BCAP29: variants seen among roughly 807,000 people sequenced by gnomAD.
The protein encoded by BCAP29 is B-cell receptor-associated protein 29.
A neutral mutation model predicts 31.8 loss-of-function variants in BCAP29; 34 were observed. The ratio of observed to expected loss-of-function variants is 1.07; its 90% CI spans 0.81 to 1.42. BCAP29 has a LOEUF of 1.42. BCAP29 is among the 40% of genes most tolerant of loss of function. The pLI, the probability that BCAP29 is intolerant of heterozygous loss-of-function variation, is 0.00. For missense variants in BCAP29, 314 were observed against 269.2 expected, an observed-to-expected ratio of 1.17 and a Z score of -1.16; for synonymous variants, 104 against 91.3, an observed-to-expected ratio of 1.14 and a Z score of -0.79.
Position 107,613,415 on chromosome 7 carries a change from G to A in BCAP29, c.673G>A (p.Glu225Lys). ...LSKEYDQLLK[E>K]HSELQDRLER... ...GAAAGAATATGATCAACTCCTGAAA[G>A]AACACTCTGAACTTCAGGTGGGTGT... The change falls in exon 7 of 8, where the codon GAA becomes AAA. Residue 225 changes from glutamate (E) to lysine (K), a missense_variant. Coordinates refer to ENST00000005259, the MANE Select transcript of BCAP29 (RefSeq NM_018844.4). 6.2e-7 allele frequency: 1 copy of A among 1,607,126 alleles called. No individual in the cohort carries two copies. Among genetic ancestry groups the A allele is most frequent in the Admixed American group, 1.7e-5 (1 of 59,820 alleles).
At chr7:107,610,461 C>T (rs1204430784) in intron 6 of BCAP29, among the ~76,000 whole-genome samples, 1 of 152,102 alleles carries the variant, frequency 6.6e-6, no homozygotes, top group Non-Finnish European at 1.5e-5. Flanking sequence ...TATATAGTCC[C>T]TTGGTTACAG....
chr7:107,586,022 G>A (rs1050011763), intron 3 of BCAP29, among the ~76,000 whole-genome samples: 7 of 151,906 alleles, frequency 4.6e-5, no homozygotes, highest in Non-Finnish European at 7.4e-5. Context: ...GAACTCGCTT[G>A]ACTAAAAAAG....
intron 6 of BCAP29, among the ~76,000 whole-genome samples, chr7:107,609,847 A>G (rs1812812079): frequency 6.6e-6 from 1 of 152,228 alleles, no homozygotes; most frequent in South Asian, 2.1e-4. Flanking sequence ...AAAGAAACCA[A>G]CACTAGACAT....
intron 7 of BCAP29, chr7:107,615,596 AG>A (rs1447333717): frequency 1.7e-5 from 4 of 235,776 alleles, no homozygotes; most frequent in African/African-American, 6.6e-5. Flanking sequence ...ACTCCATCTC[AG>A]AAAAAAAAAA....
intron 6 of BCAP29, among the ~76,000 whole-genome samples, chr7:107,603,772 A>T (rs1036274550): frequency 2.6e-5 from 4 of 151,492 alleles, no homozygotes; most frequent in Non-Finnish European, 5.9e-5. Flanking sequence ...TGCCCGCCTA[A>T]TTTTTTTGAT....
chr7:107,613,826 T>C (rs1053724836), intron 7 of BCAP29: 1 of 892,664 alleles, frequency 1.1e-6, no homozygotes, highest in African/African-American at 1.7e-5. Flanking sequence ...CTCAGTGTTT[T>C]AGACATATTA....
At chr7:107,588,686 A>G (rs951512713) in intron 3 of BCAP29, among the ~76,000 whole-genome samples, 2 of 152,198 alleles carry the variant, frequency 1.3e-5, no homozygotes, top group African/African-American at 4.8e-5. Context: ...AGACAACGAT[A>G]TAGAACTCAA....
intron 2 of BCAP29, among the ~76,000 whole-genome samples, chr7:107,582,073 GT>G (rs1462178111): frequency 1.3e-5 from 2 of 152,212 alleles, no homozygotes; most frequent in African/African-American, 4.8e-5. Flanking sequence ...GTAACACCCT[GT>G]TTTGCTTTTT....
chr7:107,611,986 C>T (rs1187310660), intron 6 of BCAP29, among the ~76,000 whole-genome samples: 1 of 152,104 alleles, frequency 6.6e-6, no homozygotes, highest in Non-Finnish European at 1.5e-5. Context: ...CTATGTAGAA[C>T]ATTTGACAAT....
At chr7:107,608,312 G>T (rs1331417306) in intron 6 of BCAP29, among the ~76,000 whole-genome samples, 1 of 151,944 alleles carries the variant, frequency 6.6e-6, no homozygotes, top group Non-Finnish European at 1.5e-5. Flanking sequence ...CCATTTGTTT[G>T]TCAGTATGGA....
intron 7 of BCAP29, chr7:107,616,170 G>A (rs941916869): frequency 6.6e-5 from 10 of 152,318 alleles, no homozygotes; most frequent in Non-Finnish European, 1.2e-4. Context: ...CTAGAAGACT[G>A]AAGGCAGGAG....
At chr7:107,617,020 C>T (rs778183648) in intron 7 of BCAP29, among the ~76,000 whole-genome samples, 3 of 152,084 alleles carry the variant, frequency 2.0e-5, no homozygotes, top group African/African-American at 2.4e-5. Flanking sequence ...ATTATAGGCT[C>T]GAGCCACCGT....
rs1810670194 is a variant in BCAP29, at chr7:107,599,309, T to TA, written c.481-1088_481-1087insA. On this transcript the variant is annotated intron_variant, in intron 5 of 7. Transcript: ENST00000005259. Reference sequence around the variant, plus strand: ...TTTATATATAAATTATATATAAATTTTATATATATATATATAAATATATAT... The same window carrying TA: ...TTTATATATAAATTATATATAAATTTATATATATATATATATAAATATATAT... Among the ~76,000 whole-genome samples the TA allele has an allele frequency of 9.0e-4, 62 of 68,688 alleles. 4 individuals carry two copies. Among genetic ancestry groups the TA allele is most frequent in the African/African-American group, 2.5e-3 (38 of 15,180 alleles). The allele number at this position is 68,688 out of a possible 152,430, so 45.1% of individuals were successfully genotyped here.
chr7:107,619,901 A>T lies in BCAP29; in HGVS notation c.*1538A>T, dbSNP rs1814769624. ...ATGGGCAGAGTTAAAATCTATTCCC[A>T]GCTTTATCACTTATTTAGCCATGCT... On this transcript the variant is annotated 3_prime_UTR_variant, in exon 8 of 8. Coordinates refer to ENST00000005259, the MANE Select transcript of BCAP29 (RefSeq NM_018844.4). 1 of 152,218 alleles carries T rather than the reference A, an allele frequency of 6.6e-6. No homozygotes were observed. Among genetic ancestry groups the T allele is most frequent in the South Asian group, 2.1e-4 (1 of 4,836 alleles). The allele number at this position is 152,218 out of a possible 1,614,324, so 9.4% of individuals were successfully genotyped here. A position where few individuals can be genotyped will look rare whatever the true frequency, so the allele number is the denominator to read the frequency against.
intron 6 of BCAP29, among the ~76,000 whole-genome samples, chr7:107,607,738 G>C (rs1467966976): frequency 6.6e-6 from 1 of 151,004 alleles, no homozygotes; most frequent in Non-Finnish European, 1.5e-5. Flanking sequence ...CCAGGTCCCG[G>C]TTCCAGCAAT....
At chr7:107,593,269 A>G (rs1024002914) in intron 3 of BCAP29, among the ~76,000 whole-genome samples, 1 of 152,186 alleles carries the variant, frequency 6.6e-6, no homozygotes, top group Non-Finnish European at 1.5e-5. Context: ...ACAAGAATCC[A>G]GGAACTAAGA....
chr7:107,588,517 C>A (rs1433367091), intron 3 of BCAP29, among the ~76,000 whole-genome samples: 4 of 152,138 alleles, frequency 2.6e-5, no homozygotes, highest in African/African-American at 9.7e-5. Flanking sequence ...AAATTATGAA[C>A]CCTCGATAAA....
chr7:107,582,197 A>G (rs1445553496), intron 2 of BCAP29, among the ~76,000 whole-genome samples: 1 of 152,238 alleles, frequency 6.6e-6, no homozygotes, highest in African/African-American at 2.4e-5. Context: ...AAAAATTGTC[A>G]GTTGATCTTT....
chr7:107,621,293 C>G (rs959049610), downstream of BCAP29: 1 of 195,150 alleles, frequency 5.1e-6, no homozygotes, highest in African/African-American at 2.4e-5. Context: ...TTTTTCATCC[C>G]TTTCTTAGTA....
Sources: gnomAD v4.1 joint callset for allele counts (sites outside exome capture counted in the v4.1 genomes callset) on GRCh38, gnomAD v4.1.1 for gene constraint, MANE v1.5 for transcripts, NCBI Gene and HGNC (gene_info 2026-07-23, HGNC 2026-07-21) for gene names.